The following PRPF8 variants were observed in gnomAD, a reference collection of about 807,000 sequenced individuals.
PRPF8 encodes pre-mRNA-processing-splicing factor 8.
PRPF8 carries 64 observed loss-of-function variants against 285.9 expected under a neutral mutation model. That is an observed-to-expected ratio of 0.22 (90% CI 0.18 to 0.28). The LOEUF is 0.28. Among genes scored for constraint, PRPF8 ranks in the 10% least tolerant of loss-of-function variants. The pLI is 1.00. For synonymous variants in PRPF8, 1,325 were observed against 1,118.2 expected, an observed-to-expected ratio of 1.18 and a Z score of -3.69; for missense variants, 1,426 against 3,026.7, an observed-to-expected ratio of 0.47 and a Z score of 12.41.
rs1010879635 is a variant in PRPF8 at position 1,684,293 on chromosome 17, C to T, written c.100+179G>A. 2.0e-5 allele frequency among the ~76,000 whole-genome samples: 3 copies of T among 152,368 alleles called. No individual in the cohort carries two copies. In the South Asian group the frequency reaches 6.2e-4, roughly 32 times the overall value. ...TTTGTCTCCGTCACTACTGTACCCC[C>T]GCTGGATCAGCGCTTGCAAATAATA... is the stretch of plus-strand genomic sequence containing the variant. On this transcript the variant is annotated intron_variant, in intron 2 of 42. Transcript: ENST00000304992.
chr17:1,668,490 G>A (rs951818355), intron 24 of PRPF8, among the ~76,000 whole-genome samples: 6 of 151,090 alleles, frequency 4.0e-5, no homozygotes, highest in African/African-American at 1.5e-4. Flanking sequence ...GCCCCCCTGA[G>A]TAGCTGGGAC....
At chr17:1,677,766 G>C in intron 13 of PRPF8, 72 bp from the exon 14 acceptor site, 1 of 1,592,638 alleles carries the variant, frequency 6.3e-7, no homozygotes. Context: ...CCTGGGCAGA[G>C]GTGGGGCATA....
chr17:1,667,610 C>A (rs1189769504), intron 24 of PRPF8, among the ~76,000 whole-genome samples: 1 of 135,358 alleles, frequency 7.4e-6, no homozygotes, highest in Non-Finnish European at 1.5e-5. Flanking sequence ...GTGGCGCAAT[C>A]TCAGCTCACC....
At chr17:1,674,352 G>A (rs1249371750) in intron 21 of PRPF8, 90 bp downstream of exon 21, 6 of 1,332,600 alleles carry the variant, frequency 4.5e-6, no homozygotes, top group Non-Finnish European at 6.5e-6. Context: ...CCCAACAGCA[G>A]TTAAGTCAAC....
At chr17:1,656,318 A>G (rs1322674780) in intron 36 of PRPF8, 74 bp downstream of exon 36, 13 of 1,592,690 alleles carry the variant, frequency 8.2e-6, no homozygotes, top group African/African-American at 1.3e-5. Context: ...AAATGGCAAA[A>G]ACCTGACACA....
At chr17:1,683,365 CAG>C in intron 3 of PRPF8, 166 bp downstream of exon 3, 1 of 766,292 alleles carries the variant, frequency 1.3e-6, no homozygotes. Flanking sequence ...AGAGGGGAAA[CAG>C]ACTGCAAAAG....
In PRPF8 at chr17:1,661,850, C is replaced by G; in HGVS notation, c.4022+56G>C. On this transcript the variant is annotated intron_variant, in intron 25 of 42. Coordinates refer to ENST00000304992, the MANE Select transcript of PRPF8 (RefSeq NM_006445.4). The surrounding 1 kb of genome is among the most constrained non-coding windows in gnomAD (Gnocchi z 7.3). ...TAAAGCCTAAAACTAAAGAAATACC[C>G]ACTTCCCTTAGGGCCTGAGCAATAG... is the stretch of plus-strand genomic sequence containing the variant. 6.2e-7 allele frequency: 1 copy of G among 1,614,182 alleles called. No homozygotes were observed. The highest frequency in any genetic ancestry group is 8.5e-7 in the Non-Finnish European group (1 of 1,180,046).
At chr17:1,674,084 G>A (rs536693480) in intron 21 of PRPF8, among the ~76,000 whole-genome samples, 192 bp from the exon 22 acceptor site, 3 of 151,978 alleles carry the variant, frequency 2.0e-5, no homozygotes, top group Admixed American at 6.6e-5. Flanking sequence ...GCGCAGCGGC[G>A]CAATCCCGGC....
At chr17:1,680,501 C>G in intron 8 of PRPF8, 1 of 610,024 alleles carries the variant, frequency 1.6e-6, no homozygotes. Flanking sequence ...CTAGAGCACC[C>G]AAGAAAAGAA....
intron 24 of PRPF8, among the ~76,000 whole-genome samples, chr17:1,662,653 G>A (rs1024781123): frequency 1.3e-5 from 2 of 150,656 alleles, no homozygotes; most frequent in African/African-American, 4.9e-5. Context: ...TGTCATGCCA[G>A]CACTTTGGGA....
At position 1,673,259 on chromosome 17, in the gene PRPF8, T is replaced by C; in HGVS notation, c.3658-62A>G. 1.2e-6 allele frequency: 2 copies of C among 1,605,826 alleles called. No individual in the cohort carries two copies. The highest frequency in any genetic ancestry group is 1.3e-5 in the African/African-American group (1 of 74,882). On this transcript the variant is annotated intron_variant, in intron 23 of 42. Coordinates refer to ENST00000304992, the MANE Select transcript of PRPF8 (RefSeq NM_006445.4). The surrounding 1 kb of genome is among the most constrained non-coding windows in gnomAD (Gnocchi z 5.5). ...CTCCCACAGAAGCAAGAGCCAACTG[T>C]GCCCACCACTCAAGTCTTTCCACCC...
Position 1,664,912 on chromosome 17 carries a change from C to A in PRPF8, c.3775-2759G>T, listed in dbSNP as rs866515028. Among the ~76,000 whole-genome samples the A allele has an allele frequency of 3.3e-4, 50 of 152,168 alleles. 1 individual carries two copies. In the Middle Eastern group the frequency reaches 0.01, roughly 31 times the overall value. On this transcript the variant is annotated intron_variant, in intron 24 of 42. Transcript: ENST00000304992. ...ATGGCTCATATCTGTAAGCCCAGCA[C>A]TTTGGGAAGCCAAGGCGGGTGAATC...
intron 3 of PRPF8, 55 bp from the exon 4 acceptor site, chr17:1,682,348 T>C: frequency 6.3e-7 from 1 of 1,578,898 alleles, no homozygotes; most frequent in Middle Eastern, 2.0e-4. Flanking sequence ...TTCTGCTACC[T>C]GTCCCATGCA....
At chr17:1,668,325 C>A (rs1912104896) in intron 24 of PRPF8, among the ~76,000 whole-genome samples, 1 of 150,520 alleles carries the variant, frequency 6.6e-6, no homozygotes, top group South Asian at 2.1e-4. Context: ...CCTCTCCCCT[C>A]TTCCAGTATC....
chr17:1,681,224 G>A (rs561150107), intron 6 of PRPF8, among the ~76,000 whole-genome samples, 170 bp from the exon 7 acceptor site: 4 of 152,094 alleles, frequency 2.6e-5, no homozygotes, highest in Admixed American at 2.0e-4. Flanking sequence ...GAGACTACAC[G>A]AAGCTGTGAG....
At position 1,674,525 on chromosome 17, in the gene PRPF8, G is replaced by A. The variant is rs1378036523; in HGVS notation, c.3216C>T (p.Leu1072=). ...CCTCAGTGGCTATGTCCTGGAAACT[G>A]AGAAAGTCATTTGGCATCTGAGGGG... ...AGPPQMPNDF[L]SFQDIATEAA... Residue 1072 remains leucine (L), a synonymous_variant, in exon 21 of 43, where the codon CTC becomes CTT. Transcript: ENST00000304992. The A allele has an allele frequency of 1.9e-6, 3 of 1,614,182 alleles. No individual in the cohort carries two copies. The highest frequency in any genetic ancestry group is 1.1e-5 in the South Asian group (1 of 91,084).
Position 1,655,250 on chromosome 17 carries a change from G to T in PRPF8, c.5987+100C>A, listed in dbSNP as rs752363276. On this transcript the variant is annotated intron_variant, in intron 37 of 42. Transcript: ENST00000304992. ...TGGGATTACAGGCATGAGCCACCGC[G>T]CCTGGCCTTCTTGAGAAACTTCTAA... 1.1e-3 allele frequency: 1,471 copies of T among 1,357,094 alleles called. 3 individuals are homozygous for T. The highest frequency in any genetic ancestry group is 1.4e-3 in the Non-Finnish European group (1,337 of 976,240). The allele number at this position is 1,357,094 out of a possible 1,614,324, so 84.1% of individuals were successfully genotyped here. A position where few individuals can be genotyped will look rare whatever the true frequency, so the allele number is the denominator to read the frequency against.
rs376127387 is a variant in PRPF8 at position 1,651,690 on chromosome 17, G to A, written c.6468C>T (p.Thr2156=). ...GGGGCAGCTGGCCAGGCAGGTGCAC[G>A]GTCTGGTGAGTGCCCCACTGCGGCA... ...VMVPQWGTHQ[T]VHLPGQLPQH... The change falls in exon 40 of 43, where the codon ACC becomes ACT. Residue 2156 remains threonine, a synonymous_variant. Coordinates refer to ENST00000304992, the MANE Select transcript of PRPF8 (RefSeq NM_006445.4). This position sits in a 1 kb window ranked among gnomAD's most constrained non-coding sequence, Gnocchi z 5.1. The A allele has an allele frequency of 1.4e-5, 22 of 1,614,040 alleles. No individual in the cohort carries two copies. Among genetic ancestry groups the A allele is most frequent in the Middle Eastern group, 1.6e-4 (1 of 6,084 alleles).
At position 1,655,386 on chromosome 17, in the gene PRPF8, T is replaced by C. The variant is rs1911312551; in HGVS notation, c.5951A>G (p.Lys1984Arg). The part of the protein sequence containing the change: ...EEWIKVEVQL[K>R]DLILADYGKK... ...GCCGTAGTCAGCCAAGATCAGATCC[T>C]TGAGCTGCACCTCGACCTTGATCCA... Residue 1984 changes from lysine to arginine, a missense_variant, in exon 37 of 43, where the codon AAG (lysine) becomes AGG (arginine). By Grantham distance (26) the Lys-to-Arg change is conservative. Coordinates refer to ENST00000304992, the MANE Select transcript of PRPF8 (RefSeq NM_006445.4). The C allele has an allele frequency of 3.1e-6, 5 of 1,613,870 alleles. No homozygotes were observed. Among genetic ancestry groups the C allele is most frequent in the Non-Finnish European group, 4.2e-6 (5 of 1,180,034 alleles).
Sources: allele counts gnomAD v4.1 joint callset (sites outside exome capture counted in the v4.1 genomes callset), GRCh38; gene constraint gnomAD v4.1.1; non-coding constraint Gnocchi (gnomAD v3.1); transcripts MANE v1.5; gene names NCBI Gene and HGNC (gene_info 2026-07-23, HGNC 2026-07-21).